Variants in PCDH15 observed in about 807,000 individuals in gnomAD.
PCDH15 encodes protocadherin-15.
Under a neutral mutation model 178.5 loss-of-function variants are expected in PCDH15, and 129 were observed. That is an observed-to-expected ratio of 0.72 (90% CI 0.63 to 0.84). The LOEUF is 0.84. PCDH15 is among the 40% of genes least tolerant of loss of function. The pLI, the probability that PCDH15 is intolerant of heterozygous loss-of-function variation, is 0.00. For missense variants in PCDH15, 2,230 were observed against 2,099.9 expected (o/e 1.06, Z -1.21); for synonymous variants, 800 against 732.0 (o/e 1.09, Z -1.50).
intron 2 of PCDH15, among the ~76,000 whole-genome samples, chr10:55,445,897 C>G (rs1040231197): frequency 6.6e-6 from 1 of 152,032 alleles, no homozygotes; most frequent in African/African-American, 2.4e-5. Flanking sequence ...TTTGGAAAAA[C>G]TGAATCAGAG....
intron 3 of PCDH15, among the ~76,000 whole-genome samples, chr10:54,432,177 A>T (rs544380241): frequency 2.0e-5 from 3 of 152,134 alleles, no homozygotes; most frequent in Non-Finnish European, 4.4e-5. Context: ...TACAATCTAT[A>T]TCAAAATACC....
At chr10:54,383,381 CAA>C (rs746073207) in intron 3 of PCDH15, among the ~76,000 whole-genome samples, 3 of 151,682 alleles carry the variant, frequency 2.0e-5, no homozygotes, top group African/African-American at 7.3e-5. Context: ...AGATAATAAG[CAA>C]AAAAAGTCAT....
At chr10:55,351,223 T>G (rs1002507498) in intron 2 of PCDH15, among the ~76,000 whole-genome samples, 1 of 151,652 alleles carries the variant, frequency 6.6e-6, no homozygotes, top group Non-Finnish European at 1.5e-5. Context: ...TAAAATATCT[T>G]ATATCTTCTC....
chr10:55,517,815 GA>G (rs1841056950), intron 2 of PCDH15, among the ~76,000 whole-genome samples: 1 of 152,154 alleles, frequency 6.6e-6, no homozygotes, highest in Non-Finnish European at 1.5e-5. Flanking sequence ...CAATACAAAG[GA>G]ACATACTATT....
intron 2 of PCDH15, among the ~76,000 whole-genome samples, chr10:55,485,560 T>C (rs946730943): frequency 6.6e-6 from 1 of 151,624 alleles, no homozygotes; most frequent in Non-Finnish European, 1.5e-5. Flanking sequence ...TGTAAACTAG[T>C]AGAGCCATTA....
intron 27 of PCDH15, among the ~76,000 whole-genome samples, chr10:53,859,606 C>T (rs1163084173): frequency 6.6e-6 from 1 of 151,816 alleles, no homozygotes; most frequent in Non-Finnish European, 1.5e-5. Context: ...CCCAGGCCTT[C>T]AAAAATAGAC....
At chr10:54,517,264 G>T (rs1466230744) in intron 3 of PCDH15, among the ~76,000 whole-genome samples, 3 of 152,082 alleles carry the variant, frequency 2.0e-5, no homozygotes, top group East Asian at 1.9e-4. Context: ...ACACAGACTG[G>T]CAAATTGGAT....
intron 3 of PCDH15, among the ~76,000 whole-genome samples, chr10:54,525,576 A>T (rs1468299043): frequency 2.6e-5 from 4 of 152,166 alleles, no homozygotes; most frequent in Non-Finnish European, 5.9e-5. Context: ...CTCGTGCCTC[A>T]GCCTCCCAAG....
chr10:54,953,988 T>C (rs1012415268), intron 2 of PCDH15, among the ~76,000 whole-genome samples: 1 of 151,264 alleles, frequency 6.6e-6, no homozygotes, highest in Non-Finnish European at 1.5e-5. Flanking sequence ...TCTTCATGTA[T>C]AGATAATGCT....
At chr10:55,366,709 A>T (rs1307753210) in intron 2 of PCDH15, among the ~76,000 whole-genome samples, 1 of 152,204 alleles carries the variant, frequency 6.6e-6, no homozygotes, top group African/African-American at 2.4e-5. Flanking sequence ...AATAATATTG[A>T]TTTAATAAGG....
At chr10:55,546,518 CAAATGTAAATTCA>C (rs1023208404) in intron 2 of PCDH15, among the ~76,000 whole-genome samples, 1 of 151,924 alleles carries the variant, frequency 6.6e-6, no homozygotes, top group African/African-American at 2.4e-5. Flanking sequence ...TTACAGGGGG[CAAATGTAAATTCA>C]AAACAGTTTT....
Position 55,461,970 on chromosome 10 carries a change from C to T in PCDH15, c.-156+165655G>A, listed in dbSNP as rs150164014. Among the ~76,000 whole-genome samples, 608 of 152,104 alleles carry T rather than the reference C, an allele frequency of 4.0e-3. 3 individuals carry two copies. Among genetic ancestry groups the T allele is most frequent in the South Asian group, 0.022 (107 of 4,816 alleles). On this transcript the variant is annotated intron_variant, in intron 2 of 5. Coordinates refer to the PCDH15 transcript ENST00000613346. Reference sequence around the variant, plus strand: ...ATGCCACTACCAACTTTAGAGAATTCGGTCACACCCATTAATGGTCAAGAC... The same window carrying T: ...ATGCCACTACCAACTTTAGAGAATTTGGTCACACCCATTAATGGTCAAGAC...
intron 2 of PCDH15, among the ~76,000 whole-genome samples, chr10:54,930,123 C>T (rs1213615872): frequency 6.6e-6 from 1 of 152,176 alleles, no homozygotes; most frequent in African/African-American, 2.4e-5. Flanking sequence ...ACATCTCCAT[C>T]TTTCCTTTTC....
chr10:54,297,465 C>A (rs926363312), intron 8 of PCDH15, among the ~76,000 whole-genome samples: 11 of 152,254 alleles, frequency 7.2e-5, no homozygotes, highest in African/African-American at 2.4e-4. Context: ...TCCAAGCTTT[C>A]TTTTCATTGA....
At chr10:54,444,631 A>C (rs1348317168) in intron 3 of PCDH15, among the ~76,000 whole-genome samples, 3 of 151,680 alleles carry the variant, frequency 2.0e-5, no homozygotes, top group Non-Finnish European at 4.4e-5. Flanking sequence ...AACACTCATA[A>C]ACTAGCACAG....
chr10:54,751,346 G>A (rs191835902), intron 1 of PCDH15, among the ~76,000 whole-genome samples: 30 of 152,232 alleles, frequency 2.0e-4, no homozygotes, highest in Non-Finnish European at 4.3e-4. Flanking sequence ...GTAATTCTAA[G>A]TCAATGATTG....
intron 2 of PCDH15, among the ~76,000 whole-genome samples, chr10:55,008,877 T>A (rs755114984): frequency 1.8e-5 from 2 of 113,162 alleles, no homozygotes; most frequent in Admixed American, 1.0e-4. Flanking sequence ...CATTCCTTGA[T>A]CTTGTTTAAA....
At chr10:55,240,747 AC>A (rs761781951) in intron 1 of PCDH15, among the ~76,000 whole-genome samples, 7 of 152,174 alleles carry the variant, frequency 4.6e-5, no homozygotes, top group Non-Finnish European at 5.9e-5. Flanking sequence ...TTATTACTAT[AC>A]TTTTATTTTT....
At chr10:53,936,821 A>C (rs936087742) in intron 25 of PCDH15, among the ~76,000 whole-genome samples, 4 of 152,130 alleles carry the variant, frequency 2.6e-5, no homozygotes, top group African/African-American at 7.2e-5. Flanking sequence ...GTGGTAGGGC[A>C]ACTAATTCTG....
Sources: gnomAD v4.1 joint callset for allele counts (sites outside exome capture counted in the v4.1 genomes callset) on GRCh38, gnomAD v4.1.1 for gene constraint, MANE v1.5 for transcripts, NCBI Gene and HGNC (gene_info 2026-07-23, HGNC 2026-07-21) for gene names.